The following TEX11 variants were observed in gnomAD, a reference collection of about 807,000 sequenced individuals.
The protein encoded by TEX11 is testis expressed 11.
In TEX11, 7 loss-of-function variants were observed where a neutral mutation model predicts 84.4. That is an observed-to-expected ratio of 0.08 (90% CI 0.05 to 0.16). The LOEUF (loss-of-function observed/expected upper bound fraction) is 0.16. Ranked by LOEUF, TEX11 falls within the 10% of genes least tolerant of loss-of-function variation. The pLI, the probability that TEX11 is intolerant of heterozygous loss-of-function variation, is 1.00. For synonymous variants in TEX11, 264 were observed against 222.8 expected, an observed-to-expected ratio of 1.18 and a Z score of -1.64; for missense variants, 551 against 660.5, an observed-to-expected ratio of 0.83 and a Z score of 1.82.
chrX:70,605,775 T>C (rs1006941477), intron 23 of TEX11, among the ~76,000 whole-genome samples: 2 of 112,293 alleles, frequency 1.8e-5, no homozygotes, highest in African/African-American at 6.5e-5. Flanking sequence ...CAGTGACAAG[T>C]AGTATCATTC....
chrX:70,693,375 T>C (rs141741488), intron 13 of TEX11, among the ~76,000 whole-genome samples: 202 of 112,252 alleles, frequency 1.8e-3, no homozygotes, highest in African/African-American at 4.7e-3. Context: ...GATTAGTGGT[T>C]AATGGTTTAA....
At chrX:70,611,350 C>T (rs1004984540) in intron 20 of TEX11, among the ~76,000 whole-genome samples, 1 of 111,687 alleles carries the variant, frequency 9.0e-6, no homozygotes, top group African/African-American at 3.3e-5. Flanking sequence ...TCATAGCTTA[C>T]TAGAGCAGAG....
chrX:70,685,928 T>C (rs2090184936), intron 13 of TEX11, among the ~76,000 whole-genome samples: 1 of 112,031 alleles, frequency 8.9e-6, no homozygotes, highest in Non-Finnish European at 1.9e-5. Context: ...AAGGTTTTTT[T>C]TTTCTTGTAA....
intron 20 of TEX11, among the ~76,000 whole-genome samples, chrX:70,620,621 C>T (rs937181632): frequency 1.8e-5 from 2 of 112,020 alleles, no homozygotes; most frequent in Admixed American, 1.9e-4. Context: ...TTAATATTTA[C>T]CAAAGGAGCT....
intron 17 of TEX11, among the ~76,000 whole-genome samples, chrX:70,641,090 A>G (rs773096190): frequency 9.0e-6 from 1 of 111,330 alleles, no homozygotes; most frequent in African/African-American, 3.3e-5. Flanking sequence ...AAGCAAATGG[A>G]AAACAAACAA....
chrX:70,857,831 T>TA (rs2091545215), intron 5 of TEX11, among the ~76,000 whole-genome samples: 1 of 111,197 alleles, frequency 9.0e-6, no homozygotes, highest in Non-Finnish European at 1.9e-5. Context: ...AACAAGTGGA[T>TA]AAAAAAACTG....
At chrX:70,539,629 T>C (rs747938153) in intron 28 of TEX11, among the ~76,000 whole-genome samples, 9 of 111,747 alleles carry the variant, frequency 8.1e-5, no homozygotes, top group Non-Finnish European at 1.3e-4. Flanking sequence ...TAAGTCTTTG[T>C]ATATTCTTAA....
intron 13 of TEX11, among the ~76,000 whole-genome samples, chrX:70,720,583 G>A (rs6625663): frequency 0.41 from 44,983 of 108,419 alleles, 7,872 homozygotes; most frequent in East Asian, 0.58. Flanking sequence ...TTTTTGTAAA[G>A]TTGTCATCTG....
At chrX:70,625,269 C>G (rs920038876) in intron 18 of TEX11, among the ~76,000 whole-genome samples, 3 of 110,690 alleles carry the variant, frequency 2.7e-5, no homozygotes, top group African/African-American at 9.9e-5. Context: ...ATTTCCAGCA[C>G]TCTATTCCCA....
At chrX:70,634,728 T>A (rs7891796) in intron 17 of TEX11, among the ~76,000 whole-genome samples, 5,834 of 84,833 alleles carry the variant, frequency 0.069, 370 homozygotes, top group African/African-American at 0.19. Context: ...AAAAAAAAAA[T>A]TTTCAATCCA....
intron 11 of TEX11, among the ~76,000 whole-genome samples, chrX:70,729,389 G>A (rs1231831297): frequency 3.6e-5 from 4 of 111,338 alleles, no homozygotes; most frequent in Non-Finnish European, 5.7e-5. Context: ...CGAACCCACG[G>A]CAAAGAAGTT....
rs1327287695 is a variant in TEX11, at chrX:70,713,566, AGTTT to A, written c.1004+9048_1004+9051del. ...TTTATCCATTTCTTCTAGATTTTCT[AGTTT>A]GTTTGTGTAGAGGTGTTTGTAGTAT... On this transcript the variant is annotated intron_variant, in intron 13 of 29. Transcript: ENST00000374333. Among the ~76,000 whole-genome samples, 3 of 111,757 alleles carry A rather than the reference AGTTT, an allele frequency of 2.7e-5. No individual in the cohort carries two copies. In the Admixed American group the frequency reaches 2.8e-4, roughly 11 times the overall value.
intron 15 of TEX11, among the ~76,000 whole-genome samples, chrX:70,678,418 A>G (rs922223203): frequency 9.0e-6 from 1 of 111,037 alleles, no homozygotes; most frequent in African/African-American, 3.3e-5. Context: ...TTGCTTTAAA[A>G]AAACTTATCT....
At chrX:70,753,366 G>A (rs1048574064) in intron 9 of TEX11, among the ~76,000 whole-genome samples, 2 of 111,491 alleles carry the variant, frequency 1.8e-5, no homozygotes, top group Non-Finnish European at 3.8e-5. Flanking sequence ...AAATCGAAGA[G>A]TGGGGAGAAC....
At chrX:70,575,633 C>T (rs746834794) in intron 25 of TEX11, among the ~76,000 whole-genome samples, 13 of 111,656 alleles carry the variant, frequency 1.2e-4, no homozygotes, top group Admixed American at 2.9e-4. Context: ...CCGTAGACTT[C>T]CCAGCCTCCA....
At chrX:70,603,973 A>C (rs1425963619) in intron 24 of TEX11, among the ~76,000 whole-genome samples, 1 of 112,307 alleles carries the variant, frequency 8.9e-6, no homozygotes, top group Non-Finnish European at 1.9e-5. Context: ...AAAAGGCAGA[A>C]GTGCATCTTC....
At chrX:70,663,395 A>C (rs765212112) in intron 16 of TEX11, among the ~76,000 whole-genome samples, 2 of 112,109 alleles carry the variant, frequency 1.8e-5, no homozygotes, top group Non-Finnish European at 3.8e-5. Flanking sequence ...AACACTCATG[A>C]AATAAATTTA....
At chrX:70,797,690 T>C (rs2091163537) in intron 9 of TEX11, among the ~76,000 whole-genome samples, 1 of 104,635 alleles carries the variant, frequency 9.6e-6, no homozygotes, top group Non-Finnish European at 2.0e-5. Context: ...AGGGTGGGGG[T>C]GGTTCAGCAT....
intron 28 of TEX11, among the ~76,000 whole-genome samples, chrX:70,534,934 C>T (rs1303655250): frequency 1.8e-5 from 2 of 111,438 alleles, no homozygotes; most frequent in South Asian, 3.9e-4. Context: ...CATATTCCCC[C>T]TGCCCCCAGC....
Sources: allele counts gnomAD v4.1 joint callset (sites outside exome capture counted in the v4.1 genomes callset), GRCh38; gene constraint gnomAD v4.1.1; transcripts MANE v1.5; gene names NCBI Gene and HGNC (gene_info 2026-07-23, HGNC 2026-07-21).